OSBPL5: variants seen among roughly 807,000 people sequenced by gnomAD.
OSBPL5 encodes oxysterol binding protein like 5.
A neutral mutation model predicts 111.2 loss-of-function variants in OSBPL5; 71 were observed. The observed-to-expected ratio is 0.64, with a 90% CI of 0.53 to 0.78. OSBPL5 has a LOEUF of 0.78. Ranked by LOEUF, OSBPL5 falls within the 30% of genes least tolerant of loss-of-function variation. The probability of loss-of-function intolerance (pLI) is 0.00; values close to 1 mark genes in which losing one functional copy is unlikely to be tolerated. For synonymous variants in OSBPL5, 549 were observed against 513.9 expected (o/e 1.07, Z -0.93); for missense variants, 1,210 against 1,189.3 (o/e 1.02, Z -0.26).
In OSBPL5 at chr11:3,162,651, TA is replaced by T. The variant is rs1300387564; in HGVS notation, c.-22+2564del. ...GCCCATACATCTCCACGGGAAAGGTTACCCAGCCGTGGCCAAGACCCAGCCA... is the reference window on the plus strand; with the variant it reads ...GCCCATACATCTCCACGGGAAAGGTTCCCAGCCGTGGCCAAGACCCAGCCA... On this transcript the variant is annotated intron_variant, in intron 1 of 21. Coordinates refer to ENST00000263650, the MANE Select transcript of OSBPL5 (RefSeq NM_020896.4). The surrounding 1 kb of genome is among the most constrained non-coding windows in gnomAD (Gnocchi z 8.1). Among the ~76,000 whole-genome samples the T allele has an allele frequency of 2.6e-5, 4 of 151,868 alleles. No homozygotes were observed.
intron 5 of OSBPL5, among the ~76,000 whole-genome samples, chr11:3,120,966 C>T (rs1214620150): frequency 6.6e-6 from 1 of 152,060 alleles, no homozygotes; most frequent in Non-Finnish European, 1.5e-5. Context: ...GACAGATTTA[C>T]TTGTGAGGGT....
At position 3,088,106 on chromosome 11, in the gene OSBPL5, T is replaced by G. The variant is rs1590623739; in HGVS notation, c.*99A>C. On this transcript the variant is annotated 3_prime_UTR_variant, in exon 22 of 22. Coordinates refer to ENST00000263650, the MANE Select transcript of OSBPL5 (RefSeq NM_020896.4). The stretch of plus-strand genomic sequence containing the variant: ...CCTGGACTCCCCGTCACAGTGGCTG[T>G]GCTTGCCGGGCCTCTCTGCCTCCAT... The G allele has an allele frequency of 1.7e-6, 2 of 1,195,132 alleles. No individual in the cohort carries two copies. 74.0% of individuals were successfully genotyped at this position (1,195,132 alleles called of 1,614,324 possible).
At chr11:3,120,683 C>G in intron 5 of OSBPL5, 59 bp from the exon 6 acceptor site, 1 of 1,578,146 alleles carries the variant, frequency 6.3e-7, no homozygotes, top group Non-Finnish European at 8.6e-7. Context: ...CCTGGGGCAT[C>G]TTGATGGCTT....
At chr11:3,152,002 G>A (rs780456402) in intron 1 of OSBPL5, among the ~76,000 whole-genome samples, 3 of 152,258 alleles carry the variant, frequency 2.0e-5, no homozygotes, top group Non-Finnish European at 4.4e-5. Flanking sequence ...GACACCAGCA[G>A]TACAGGTGGC....
In OSBPL5 at chr11:3,093,188, C is replaced by A. The variant is rs1191282814; in HGVS notation, c.1947-136G>T. ...TGATTGCCTACAGTGACAGGGAGCT[C>A]ACTACTTTGAAGAGAGCTTTTCTTT... On this transcript the variant is annotated intron_variant, in intron 17 of 21. Coordinates refer to ENST00000263650, the MANE Select transcript of OSBPL5 (RefSeq NM_020896.4). 6.3e-6 allele frequency: 6 copies of A among 959,166 alleles called. No individual in the cohort carries two copies. The Admixed American group carries it at 1.8e-4, about 28-fold the overall frequency. The allele number at this position is 959,166 out of a possible 1,614,324, so 59.4% of individuals were successfully genotyped here. A position where few individuals can be genotyped will look rare whatever the true frequency, so the allele number is the denominator to read the frequency against.
rs1846100809 is a variant in OSBPL5, at chr11:3,141,171, C to T, written c.-21-12002G>A. On this transcript the variant is annotated intron_variant, in intron 1 of 21. Coordinates refer to ENST00000263650, the MANE Select transcript of OSBPL5 (RefSeq NM_020896.4). This position sits in a 1 kb window ranked among gnomAD's most constrained non-coding sequence, Gnocchi z 6.5. The stretch of plus-strand genomic sequence containing the variant: ...CGAGTGCTCTGATGCTGACAGCCAC[C>T]CAGGCTTCCCCCCGCCCAGCAGACA... Among the ~76,000 whole-genome samples the T allele has an allele frequency of 6.6e-6, 1 of 152,174 alleles. No individual in the cohort carries two copies. Among genetic ancestry groups the T allele is most frequent in the Non-Finnish European group, 1.5e-5 (1 of 68,028 alleles).
In OSBPL5 at chr11:3,092,338, G is replaced by A. The variant is rs941200659; in HGVS notation, c.2259+94C>T. On this transcript the variant is annotated intron_variant, in intron 19 of 21. Transcript: ENST00000263650. This position sits in a 1 kb window ranked among gnomAD's most constrained non-coding sequence, Gnocchi z 5.4. ...GATGAGGGCGTGAGGGAAACGGAGC[G>A]AGGGGAAGGGAGGAGTGAGGTGAGG... The A allele has an allele frequency of 4.9e-6, 7 of 1,424,298 alleles. No individual in the cohort carries two copies. The highest frequency in any genetic ancestry group is 1.4e-5 in the South Asian group (1 of 69,694). 88.2% of individuals were successfully genotyped at this position (1,424,298 alleles called of 1,614,324 possible).
Position 3,104,212 on chromosome 11 carries a change from GGTA to G in OSBPL5, c.1222_1224del (p.Tyr408del), listed in dbSNP as rs766396964. On this transcript the variant is annotated inframe_deletion, in exon 10 of 22. Coordinates refer to ENST00000263650, the MANE Select transcript of OSBPL5 (RefSeq NM_020896.4). The surrounding 1 kb of genome is among the most constrained non-coding windows in gnomAD (Gnocchi z 5.0). ...GCGCACCTGGAGAGCAGGTCTGCGTGGTAGTAGTAGTCGGAGAGCTTGTTCAGG... is the reference window on the plus strand; with the variant it reads ...GCGCACCTGGAGAGCAGGTCTGCGTGGTAGTAGTCGGAGAGCTTGTTCAGG... 6.2e-7 allele frequency: 1 copy of G among 1,611,054 alleles called. No individual in the cohort carries two copies. Among genetic ancestry groups the G allele is most frequent in the Non-Finnish European group, 8.5e-7 (1 of 1,177,800 alleles).
chr11:3,091,147 CA>C lies in OSBPL5; in HGVS notation c.2260-452del, dbSNP rs570629992. ...GGTTCCCCATGTCAAGGGGCATCTC[CA>C]GGGGGGAACCCCCACACTCAGCCGG... On this transcript the variant is annotated intron_variant, in intron 19 of 21. Coordinates refer to ENST00000263650, the MANE Select transcript of OSBPL5 (RefSeq NM_020896.4). 3.5e-3 allele frequency among the ~76,000 whole-genome samples: 537 copies of C among 152,370 alleles called. 3 individuals carry two copies. The highest frequency in any genetic ancestry group is 0.012 in the African/African-American group (483 of 41,590).
In OSBPL5 at chr11:3,087,941, C is replaced by T. The variant is rs1268552027; in HGVS notation, c.*264G>A. 4.2e-5 allele frequency: 14 copies of T among 335,510 alleles called. No individual in the cohort carries two copies. Among genetic ancestry groups the T allele is most frequent in the African/African-American group, 8.5e-5 (4 of 47,226 alleles). 20.8% of individuals were successfully genotyped at this position (335,510 alleles called of 1,614,324 possible). A position where few individuals can be genotyped will look rare whatever the true frequency, so the allele number is the denominator to read the frequency against. Reference sequence around the variant, plus strand: ...TGACACGGCAAGATGGCCAGGAGTGCGTCGCACAGCAGAAGCTGCATTTGG... The same window carrying T: ...TGACACGGCAAGATGGCCAGGAGTGTGTCGCACAGCAGAAGCTGCATTTGG... On this transcript the variant is annotated 3_prime_UTR_variant, in exon 22 of 22. Transcript: ENST00000263650.
Position 3,089,885 on chromosome 11 carries a change from G to C in OSBPL5, c.2462C>G (p.Ala821Gly). 6.4e-7 allele frequency: 1 copy of C among 1,565,826 alleles called. No individual in the cohort carries two copies. Among genetic ancestry groups the C allele is most frequent in the Non-Finnish European group, 8.7e-7 (1 of 1,155,744 alleles). ...CTGGGCCTCTCGGATGGAGAGGATGGCCTCGTGCAGGGCCTGCAGCCGCCG... is the reference window on the plus strand; with the variant it reads ...CTGGGCCTCTCGGATGGAGAGGATGCCCTCGTGCAGGGCCTGCAGCCGCCG... Reference protein sequence around the residue: ...EARRLQALHEAILSIREAQQE... With the variant: ...EARRLQALHEGILSIREAQQE... Residue 821 changes from alanine (A) to glycine (G), a missense_variant, in exon 21 of 22, where the codon GCC (alanine) becomes GGC (glycine). Ala to Gly is a moderately conservative substitution (Grantham distance 60). Coordinates refer to ENST00000263650, the MANE Select transcript of OSBPL5 (RefSeq NM_020896.4).
intron 1 of OSBPL5, among the ~76,000 whole-genome samples, chr11:3,155,766 T>C (rs1045968845): frequency 1.3e-5 from 2 of 152,240 alleles, no homozygotes; most frequent in African/African-American, 4.8e-5. Context: ...CCCAGCTTTG[T>C]GGAGATGCCG....
intron 7 of OSBPL5, among the ~76,000 whole-genome samples, chr11:3,111,919 TA>T (rs141162280): frequency 9.5e-4 from 145 of 152,098 alleles, no homozygotes; most frequent in African/African-American, 3.4e-3. Flanking sequence ...GCTCAATGGT[TA>T]AAAGTCAGTT....
In OSBPL5 at chr11:3,101,779, A is replaced by T. The variant is rs922237046; in HGVS notation, c.1426-80T>A. 13 of 1,182,082 alleles carry T rather than the reference A, an allele frequency of 1.1e-5. No homozygotes were observed. The African/African-American group carries it at 2.0e-4, about 18-fold the overall frequency. The allele number at this position is 1,182,082 out of a possible 1,614,324, so 73.2% of individuals were successfully genotyped here. ...AGCGAGAGCCCAGCTTCCCCCAAAA[A>T]ACCTGTCCCTGTCCCTGACGCCACA... On this transcript the variant is annotated intron_variant, in intron 12 of 21. Coordinates refer to ENST00000263650, the MANE Select transcript of OSBPL5 (RefSeq NM_020896.4).
At position 3,087,878 on chromosome 11, in the gene OSBPL5, C is replaced by T. The variant is rs775200812; in HGVS notation, c.*327G>A. 262 of 213,254 alleles carry T rather than the reference C, an allele frequency of 1.2e-3. No homozygotes were observed. Among genetic ancestry groups the T allele is most frequent in the Non-Finnish European group, 1.8e-3 (194 of 108,190 alleles). 13.2% of individuals were successfully genotyped at this position (213,254 alleles called of 1,614,324 possible). A position where few individuals can be genotyped will look rare whatever the true frequency, so the allele number is the denominator to read the frequency against. On this transcript the variant is annotated 3_prime_UTR_variant, in exon 22 of 22. Coordinates refer to ENST00000263650, the MANE Select transcript of OSBPL5 (RefSeq NM_020896.4). ...CCCACAGGCCCTCCCACCCTAAATC[C>T]ATCCATCCCCCATGGCAAGTGGAGG...
chr11:3,157,135 G>C (rs551802699), intron 1 of OSBPL5, among the ~76,000 whole-genome samples: 1 of 152,228 alleles, frequency 6.6e-6, no homozygotes, highest in African/African-American at 2.4e-5. Flanking sequence ...TCAGAGAGCC[G>C]CGTGCCTCCG....
At chr11:3,115,156 T>C (rs1401401593) in intron 7 of OSBPL5, among the ~76,000 whole-genome samples, 1 of 152,204 alleles carries the variant, frequency 6.6e-6, no homozygotes, top group African/African-American at 2.4e-5. Context: ...AAATGTTTTC[T>C]TCTAACATAA....
At chr11:3,160,311 C>T (rs1846916474) in intron 1 of OSBPL5, among the ~76,000 whole-genome samples, 1 of 152,242 alleles carries the variant, frequency 6.6e-6, no homozygotes. Context: ...CAGCACAGTC[C>T]AGCAAGCAGG....
chr11:3,090,855 AG>A, intron 19 of OSBPL5, 159 bp from the exon 20 acceptor site: 1 of 950,792 alleles, frequency 1.1e-6, no homozygotes, highest in Non-Finnish European at 1.5e-6. Flanking sequence ...GGTCTGTCTC[AG>A]CCCCGGCATG....
Sources: gnomAD v4.1 joint callset for allele counts (sites outside exome capture counted in the v4.1 genomes callset) on GRCh38, gnomAD v4.1.1 for gene constraint, Gnocchi (gnomAD v3.1) non-coding constraint, MANE v1.5 for transcripts, NCBI Gene and HGNC (gene_info 2026-07-23, HGNC 2026-07-21) for gene names.